ADAMTS3: variants seen among roughly 807,000 people sequenced by gnomAD.
ADAMTS3 encodes the protein A disintegrin and metalloproteinase with thrombospondin motifs 3.
In ADAMTS3, 73 loss-of-function variants were observed where a neutral mutation model predicts 129.0. The ratio of observed to expected loss-of-function variants is 0.57; its 90% CI spans 0.47 to 0.69. ADAMTS3 has a LOEUF of 0.69. Among genes scored for constraint, ADAMTS3 ranks in the 30% least tolerant of loss-of-function variants. The pLI, the probability that ADAMTS3 is intolerant of heterozygous loss-of-function variation, is 0.00. For synonymous variants in ADAMTS3, 477 were observed against 510.8 expected (o/e 0.93, Z 0.89); for missense variants, 1,457 against 1,514.5 (o/e 0.96, Z 0.63).
At chr4:72,561,018 C>T (rs1721890433) in intron 2 of ADAMTS3, among the ~76,000 whole-genome samples, 1 of 152,076 alleles carries the variant, frequency 6.6e-6, no homozygotes, top group African/African-American at 2.4e-5. Flanking sequence ...TGAGTATTAA[C>T]AGGTCCTCTC....
chr4:72,351,230 T>C (rs933936513), intron 4 of ADAMTS3, among the ~76,000 whole-genome samples: 1 of 151,982 alleles, frequency 6.6e-6, no homozygotes, highest in Non-Finnish European at 1.5e-5. Flanking sequence ...TTATTCTATC[T>C]TGATCAGGAG....
chr4:72,550,118 G>GACAATAA (rs1721609637), intron 2 of ADAMTS3, among the ~76,000 whole-genome samples: 1 of 142,282 alleles, frequency 7.0e-6, no homozygotes, highest in Non-Finnish European at 1.5e-5. Flanking sequence ...AGAAGAAGAA[G>GACAATAA]GCATAGAAAG....
At chr4:72,545,824 A>C (rs1331161089) in intron 3 of ADAMTS3, among the ~76,000 whole-genome samples, 1 of 152,176 alleles carries the variant, frequency 6.6e-6, no homozygotes, top group Non-Finnish European at 1.5e-5. Context: ...AACATGTCGA[A>C]ATCAGCCCTC....
chr4:72,518,239 G>A (rs904102626), intron 3 of ADAMTS3, among the ~76,000 whole-genome samples: 1 of 152,196 alleles, frequency 6.6e-6, no homozygotes, highest in East Asian at 1.9e-4. Context: ...CATTTGCTGA[G>A]GAGACCTTTA....
At chr4:72,494,678 T>G (rs911420459) in intron 3 of ADAMTS3, among the ~76,000 whole-genome samples, 3 of 152,180 alleles carry the variant, frequency 2.0e-5, no homozygotes, top group African/African-American at 7.2e-5. Flanking sequence ...ATCTGCACAT[T>G]TGAGGGAGCA....
At chr4:72,284,273 C>T (rs1211250119) in intron 21 of ADAMTS3, among the ~76,000 whole-genome samples, 2 of 151,978 alleles carry the variant, frequency 1.3e-5, no homozygotes, top group Admixed American at 6.5e-5. Flanking sequence ...GAAAAGCCGT[C>T]TCTACTAAAA....
rs573888501 is a variant in ADAMTS3, at chr4:72,453,856, T to G, written c.505-38885A>C. ...ATCAGGAGTTAAAAGCAGGAGAGGC[T>G]CCCCTCTGCAACATATTTATATTAT... is the stretch of plus-strand genomic sequence containing the variant. On this transcript the variant is annotated intron_variant, in intron 3 of 21. Coordinates refer to ENST00000286657, the MANE Select transcript of ADAMTS3 (RefSeq NM_014243.3). Among the ~76,000 whole-genome samples the G allele has an allele frequency of 3.3e-5, 5 of 150,292 alleles. No individual in the cohort carries two copies. The East Asian group carries it at 9.9e-4, about 30-fold the overall frequency.
intron 15 of ADAMTS3, among the ~76,000 whole-genome samples, chr4:72,308,182 A>C (rs1379592007): frequency 6.6e-6 from 1 of 152,010 alleles, no homozygotes; most frequent in Non-Finnish European, 1.5e-5. Flanking sequence ...ACACGTATAT[A>C]ATTATATTTC....
At chr4:72,391,635 A>T (rs1246567160) in intron 4 of ADAMTS3, among the ~76,000 whole-genome samples, 1 of 152,186 alleles carries the variant, frequency 6.6e-6, no homozygotes, top group Non-Finnish European at 1.5e-5. Context: ...AATTGTTAAT[A>T]TTCAACTGTT....
intron 3 of ADAMTS3, among the ~76,000 whole-genome samples, chr4:72,529,572 T>A (rs1720906605): frequency 6.8e-6 from 1 of 146,076 alleles, no homozygotes. Flanking sequence ...GATCTCGATA[T>A]ATACACATAT....
chr4:72,313,437 T>C (rs932673419), intron 12 of ADAMTS3, among the ~76,000 whole-genome samples: 1 of 152,198 alleles, frequency 6.6e-6, no homozygotes, highest in Non-Finnish European at 1.5e-5. Context: ...TTAATATTCC[T>C]GAACAGCAAC....
chr4:72,514,823 TC>T (rs1454059967), intron 3 of ADAMTS3, among the ~76,000 whole-genome samples: 2 of 152,100 alleles, frequency 1.3e-5, no homozygotes, highest in Admixed American at 6.6e-5. Context: ...ATATTTACAA[TC>T]TTTTTTCCTT....
chr4:72,309,566 T>C, intron 14 of ADAMTS3, 46 bp from the exon 15 acceptor site: 1 of 1,599,950 alleles, frequency 6.3e-7, no homozygotes. Flanking sequence ...GTGTGCCCAG[T>C]AGTGGTCAAC....
rs1722093866 is a variant in ADAMTS3, at chr4:72,568,938, TG to T, written c.-177del. The T allele has an allele frequency of 4.8e-6, 3 of 621,728 alleles. No individual in the cohort carries two copies. Among genetic ancestry groups the T allele is most frequent in the Non-Finnish European group, 8.6e-6 (3 of 346,954 alleles). 38.5% of individuals were successfully genotyped at this position (621,728 alleles called of 1,614,324 possible). On this transcript the variant is annotated 5_prime_UTR_variant, in exon 1 of 22. Transcript: ENST00000286657. ...GAAAATGAAATTTGAGCTCTGAGAC[TG>T]GCCCCCTCTGCTCTGCAGTTTTTTC...
intron 3 of ADAMTS3, among the ~76,000 whole-genome samples, chr4:72,479,828 G>A (rs1230642073): frequency 1.3e-5 from 2 of 152,116 alleles, no homozygotes; most frequent in African/African-American, 4.8e-5. Context: ...AATCTACAAT[G>A]AACTCAAACA....
intron 17 of ADAMTS3, 133 bp downstream of exon 17, chr4:72,303,784 G>T (rs974648692): frequency 2.0e-5 from 17 of 849,950 alleles, no homozygotes; most frequent in Non-Finnish European, 3.1e-5. Context: ...AAAGATAAAT[G>T]GAATTATTTT....
At chr4:72,536,972 G>A (rs577512234) in intron 3 of ADAMTS3, among the ~76,000 whole-genome samples, 69 of 152,156 alleles carry the variant, frequency 4.5e-4, no homozygotes, top group Non-Finnish European at 9.3e-4. Flanking sequence ...TGATAGAATA[G>A]GAAGCACCAA....
chr4:72,559,872 G>C (rs1300181265), intron 2 of ADAMTS3, among the ~76,000 whole-genome samples: 1 of 151,616 alleles, frequency 6.6e-6, no homozygotes, highest in African/African-American at 2.4e-5. Context: ...CCAAAAAAGA[G>C]CTCATATAGC....
intron 3 of ADAMTS3, among the ~76,000 whole-genome samples, chr4:72,418,737 G>A (rs1722371764): frequency 6.6e-6 from 1 of 152,198 alleles, no homozygotes. Context: ...TTGATGAACA[G>A]ATGGAAGTCT....
Sources: gnomAD v4.1 joint callset for allele counts (sites outside exome capture counted in the v4.1 genomes callset) on GRCh38, gnomAD v4.1.1 for gene constraint, MANE v1.5 for transcripts, NCBI Gene and HGNC (gene_info 2026-07-23, HGNC 2026-07-21) for gene names.